USP15: variants seen among roughly 807,000 people sequenced by gnomAD.
The protein encoded by USP15 is ubiquitin carboxyl-terminal hydrolase 15.
In USP15, 18 loss-of-function variants were observed where a neutral mutation model predicts 127.1. The observed-to-expected ratio is 0.14, with a 90% CI of 0.10 to 0.21. The LOEUF (loss-of-function observed/expected upper bound fraction) is 0.21. USP15 is among the 10% of genes least tolerant of loss of function. USP15 has a pLI of 1.00. For missense variants in USP15, 805 were observed against 1,159.9 expected (o/e 0.69, Z 4.44); for synonymous variants, 364 against 393.7 (o/e 0.92, Z 0.89).
Position 62,404,388 on chromosome 12 carries a change from A to G in USP15, c.*13A>G. ...GCACACTAACTAATGAAAGTCCTAGAAGCCATAAAAGAGACACTTTCCTGC... is the reference window on the plus strand; with the variant it reads ...GCACACTAACTAATGAAAGTCCTAGGAGCCATAAAAGAGACACTTTCCTGC... On this transcript the variant is annotated 3_prime_UTR_variant, in exon 22 of 22. Transcript: ENST00000280377. The G allele has an allele frequency of 6.4e-7, 1 of 1,562,442 alleles. No homozygotes were observed. The highest frequency in any genetic ancestry group is 1.2e-5 in the South Asian group (1 of 83,730).
chr12:62,415,219 C>G lies in USP15; in HGVS notation c.*10844C>G, dbSNP rs2068128551. 6.6e-6 allele frequency: 1 copy of G among 152,186 alleles called. No homozygotes were observed. The highest frequency in any genetic ancestry group is 1.5e-5 in the Non-Finnish European group (1 of 68,040). The allele number at this position is 152,186 out of a possible 1,614,324, so 9.4% of individuals were successfully genotyped here. A position where few individuals can be genotyped will look rare whatever the true frequency, so the allele number is the denominator to read the frequency against. On this transcript the variant is annotated 3_prime_UTR_variant, in exon 22 of 22. Coordinates refer to ENST00000280377, the MANE Select transcript of USP15 (RefSeq NM_001252078.2). ...AAAGACCCAGGAAGACTGAATGTTT[C>G]AGTTTTAGTGCAAAGGCAGGAAAAG...
intron 1 of USP15, among the ~76,000 whole-genome samples, chr12:62,260,753 G>T (rs1031966443): frequency 1.3e-5 from 2 of 152,156 alleles, no homozygotes; most frequent in Admixed American, 1.3e-4. Flanking sequence ...GTTCTGACTC[G>T]TGCGGTTCTC....
intron 7 of USP15, among the ~76,000 whole-genome samples, chr12:62,350,298 A>G (rs1242402724): frequency 2.0e-5 from 3 of 152,092 alleles, no homozygotes; most frequent in Non-Finnish European, 4.4e-5. Flanking sequence ...TAAAACACCA[A>G]TAGTTAAATT....
chr12:62,383,535 G>GA (rs1369221565), intron 9 of USP15, among the ~76,000 whole-genome samples: 2 of 151,780 alleles, frequency 1.3e-5, no homozygotes, highest in East Asian at 1.9e-4. Flanking sequence ...ACAAAAATGT[G>GA]AAAAAACATA....
At chr12:62,342,243 A>G (rs1183535336) in intron 6 of USP15, among the ~76,000 whole-genome samples, 3 of 151,812 alleles carry the variant, frequency 2.0e-5, no homozygotes, top group South Asian at 2.1e-4. Flanking sequence ...TTCTCGTGCT[A>G]TGTTTTTCAG....
intron 1 of USP15, among the ~76,000 whole-genome samples, chr12:62,293,243 A>G (rs1219156756): frequency 6.6e-6 from 1 of 151,840 alleles, no homozygotes. Flanking sequence ...GCTCCCAGCC[A>G]CTCTTTTTTG....
intron 8 of USP15, among the ~76,000 whole-genome samples, chr12:62,366,841 A>G (rs2066490356): frequency 6.6e-6 from 1 of 152,062 alleles, no homozygotes; most frequent in African/African-American, 2.4e-5. Flanking sequence ...TGTTTACGTG[A>G]TGGATTACTT....
At chr12:62,285,654 T>A (rs1391551086) in intron 1 of USP15, among the ~76,000 whole-genome samples, 1 of 152,204 alleles carries the variant, frequency 6.6e-6, no homozygotes, top group African/African-American at 2.4e-5. Context: ...TGTGTATCCA[T>A]ATATGCTACA....
At chr12:62,331,327 G>T in intron 6 of USP15, among the ~76,000 whole-genome samples, 1 of 152,134 alleles carries the variant, frequency 6.6e-6, no homozygotes, top group East Asian at 1.9e-4. Flanking sequence ...TTATGTCTGG[G>T]TGTGGCTCAT....
chr12:62,380,095 A>C (rs1428804174), intron 8 of USP15, among the ~76,000 whole-genome samples: 1 of 152,044 alleles, frequency 6.6e-6, no homozygotes, highest in African/African-American at 2.4e-5. Context: ...AGCTCACTCC[A>C]AACATTTTAG....
chr12:62,369,226 T>A (rs78560177), intron 8 of USP15, among the ~76,000 whole-genome samples: 9 of 152,202 alleles, frequency 5.9e-5, no homozygotes, highest in African/African-American at 2.2e-4. Context: ...AGGGTGAAAT[T>A]TGAGTCACAT....
intron 1 of USP15, among the ~76,000 whole-genome samples, chr12:62,293,503 C>T (rs1351354641): frequency 1.3e-5 from 2 of 152,084 alleles, no homozygotes; most frequent in Non-Finnish European, 2.9e-5. Context: ...GTTACAGGCA[C>T]CTACCACTAT....
chr12:62,355,121 G>A (rs910030176), intron 7 of USP15: 5 of 403,128 alleles, frequency 1.2e-5, no homozygotes, highest in Admixed American at 3.9e-5. Flanking sequence ...TGGTATATGA[G>A]AGTTATTTTG....
chr12:62,384,327 G>GGTTTTTTTT, intron 11 of USP15, 25 bp downstream of exon 11: 1 of 1,055,232 alleles, frequency 9.5e-7, no homozygotes. Flanking sequence ...GGTTTGTTTT[G>GGTTTTTTTT]TTTTTTTTTT....
chr12:62,383,003 CCAAA>C (rs778402933), intron 9 of USP15, among the ~76,000 whole-genome samples: 12 of 151,900 alleles, frequency 7.9e-5, no homozygotes, highest in African/African-American at 1.4e-4. Context: ...AAATCTATGA[CCAAA>C]CAAAGATCAA....
In USP15 at chr12:62,260,488, G is replaced by A. The variant is rs1272241224; in HGVS notation, c.74G>A (p.Arg25Gln). The A allele has an allele frequency of 1.3e-6, 2 of 1,551,486 alleles. No individual in the cohort carries two copies. Residue 25 changes from arginine to glutamine, a missense_variant, in exon 1 of 22, where the codon CGG becomes CAG. Arg to Gln is a conservative substitution (Grantham distance 43, BLOSUM62 1). Transcript: ENST00000280377. ...DIATLLKTSL[R>Q]KGDTWYLVDS... ...GCGACGCTGCTCAAAACCTCGCTCC[G>A]GAAAGGGGACACCTGGTAAGAGAAA...
chr12:62,317,896 A>G, intron 4 of USP15, among the ~76,000 whole-genome samples: 1 of 152,222 alleles, frequency 6.6e-6, no homozygotes, highest in East Asian at 1.9e-4. Flanking sequence ...TGTTTAAGTA[A>G]GAGATAAAAT....
At chr12:62,393,571 T>A (rs973898880) in intron 19 of USP15, 1 of 157,486 alleles carries the variant, frequency 6.3e-6, no homozygotes, top group Admixed American at 6.5e-5. Context: ...CTCCTAAATA[T>A]GTTGGGGTTT....
intron 1 of USP15, among the ~76,000 whole-genome samples, chr12:62,269,319 T>C (rs2063282571): frequency 6.6e-6 from 1 of 152,040 alleles, no homozygotes; most frequent in South Asian, 2.1e-4. Flanking sequence ...AATACAATGG[T>C]AAGTATATAT....
Sources: allele counts gnomAD v4.1 joint callset (sites outside exome capture counted in the v4.1 genomes callset), GRCh38; gene constraint gnomAD v4.1.1; transcripts MANE v1.5; gene names NCBI Gene and HGNC (gene_info 2026-07-23, HGNC 2026-07-21).